The following DMD variants were observed in gnomAD, a reference collection of about 807,000 sequenced individuals.
DMD encodes dystrophin.
In DMD, 63 loss-of-function variants were observed where a neutral mutation model predicts 330.1. The observed-to-expected ratio is 0.19, with a 90% confidence interval of 0.16 to 0.24. The LOEUF (loss-of-function observed/expected upper bound fraction) is 0.24, where lower values mean the gene tolerates loss of function less well. Ranked by LOEUF, DMD falls within the 10% of genes least tolerant of loss-of-function variation. The probability of loss-of-function intolerance (pLI) is 1.00; values close to 1 mark genes in which losing one functional copy is unlikely to be tolerated. For synonymous variants in DMD, 1,223 were observed against 959.8 expected, an observed-to-expected ratio of 1.27 and a Z score of -5.07; for missense variants, 3,344 against 2,684.1, an observed-to-expected ratio of 1.25 and a Z score of -5.43.
chrX:33,199,852 A>T (rs768890323), intron 1 of DMD, among the ~76,000 whole-genome samples: 3 of 111,413 alleles, frequency 2.7e-5, no homozygotes, highest in Non-Finnish European at 5.7e-5. Context: ...GAAGGGAGAA[A>T]ATGGTCACTA....
At chrX:31,372,205 G>C (rs147862415) in intron 60 of DMD, among the ~76,000 whole-genome samples, 1 of 111,549 alleles carries the variant, frequency 9.0e-6, no homozygotes, top group African/African-American at 3.3e-5. Context: ...GGAGTTTTGC[G>C]AAATTAAACT....
rs1418660883 is a variant in DMD, at chrX:32,252,895, TATAA to T, written c.6290+34630_6290+34633del. 4.4e-3 allele frequency among the ~76,000 whole-genome samples: 355 copies of T among 80,243 alleles called. 2 individuals are homozygous for T. The highest frequency in any genetic ancestry group is 7.0e-3 in the Non-Finnish European group (315 of 45,099). The allele number at this position is 80,243 out of a possible 115,157, so 69.7% of individuals were successfully genotyped here. On this transcript the variant is annotated intron_variant, in intron 43 of 78. Coordinates refer to ENST00000357033, the MANE Select transcript of DMD (RefSeq NM_004006.3). ...ATATATAAAAATATATATAAATATA[TATAA>T]ATATATACATAAATATATATAGATA... is the stretch of plus-strand genomic sequence containing the variant.
intron 1 of DMD, among the ~76,000 whole-genome samples, chrX:33,321,422 A>C (rs1342808690): frequency 1.0e-5 from 1 of 97,409 alleles, no homozygotes; most frequent in Non-Finnish European, 2.0e-5. Flanking sequence ...GAGCAGTAAT[A>C]TTTTTGAAAA....
At chrX:33,210,604 C>T (rs997870552) in intron 1 of DMD, among the ~76,000 whole-genome samples, 1 of 111,303 alleles carries the variant, frequency 9.0e-6, no homozygotes, top group Non-Finnish European at 1.9e-5. Flanking sequence ...GTTTGTATGT[C>T]GTTTACCCAA....
chrX:32,464,514 T>A (rs968334711), intron 24 of DMD, 72 bp downstream of exon 24: 18 of 841,278 alleles, frequency 2.1e-5, no homozygotes, highest in Middle Eastern at 2.7e-4. Flanking sequence ...ACCCCAGCTG[T>A]AAAACACTGA....
chrX:31,603,165 G>A (rs1603420154), intron 55 of DMD, among the ~76,000 whole-genome samples: 1 of 110,449 alleles, frequency 9.1e-6, no homozygotes, highest in African/African-American at 3.3e-5. Flanking sequence ...GAACAGAACC[G>A]ACGGCCTAGA....
At chrX:32,249,847 A>G (rs2097256435) in intron 43 of DMD, among the ~76,000 whole-genome samples, 1 of 111,498 alleles carries the variant, frequency 9.0e-6, no homozygotes, top group East Asian at 2.8e-4. Flanking sequence ...AGCCAGGATA[A>G]CCTGTCCTCA....
intron 2 of DMD, among the ~76,000 whole-genome samples, chrX:32,897,910 G>A (rs2085877138): frequency 2.7e-5 from 3 of 112,017 alleles, no homozygotes; most frequent in Admixed American, 1.9e-4. Context: ...TAAAGGGGAT[G>A]TCAGGCAATA....
At chrX:32,378,807 T>A (rs1394052625) in intron 34 of DMD, among the ~76,000 whole-genome samples, 4 of 111,272 alleles carry the variant, frequency 3.6e-5, no homozygotes, top group Non-Finnish European at 5.7e-5. Flanking sequence ...GACATTTATC[T>A]TTTGAAACAG....
intron 77 of DMD, among the ~76,000 whole-genome samples, chrX:31,132,666 G>T (rs779795750): frequency 9.0e-6 from 1 of 111,067 alleles, no homozygotes; most frequent in Non-Finnish European, 1.9e-5. Context: ...TGAAGGCAAG[G>T]AATTTGTCAT....
chrX:31,811,696 ACCGGC>A (rs1217436396), intron 50 of DMD, among the ~76,000 whole-genome samples: 18 of 111,494 alleles, frequency 1.6e-4, no homozygotes, highest in African/African-American at 5.6e-4. Context: ...TAACTATAAA[ACCGGC>A]AATAGTATAG....
chrX:31,448,663 A>G (rs1430837469), intron 59 of DMD, among the ~76,000 whole-genome samples: 2 of 112,090 alleles, frequency 1.8e-5, no homozygotes, highest in African/African-American at 6.5e-5. Flanking sequence ...TTTTTTTTCT[A>G]GTTTGGAAGC....
At chrX:32,895,996 C>T (rs754136105) in intron 2 of DMD, among the ~76,000 whole-genome samples, 11 of 110,361 alleles carry the variant, frequency 1.0e-4, no homozygotes, top group East Asian at 2.8e-4. Context: ...CTTATCTTGC[C>T]GAGGTTTAAA....
intron 1 of DMD, among the ~76,000 whole-genome samples, chrX:33,301,806 C>T (rs868638099): frequency 2.7e-5 from 3 of 111,403 alleles, no homozygotes; most frequent in African/African-American, 9.8e-5. Flanking sequence ...AGGGCTCTGC[C>T]CTCATGATTT....
intron 29 of DMD, among the ~76,000 whole-genome samples, chrX:32,426,494 A>G (rs752210347): frequency 5.1e-4 from 57 of 111,306 alleles, no homozygotes; most frequent in African/African-American, 1.8e-3. Context: ...TGCTGTTGGG[A>G]TGGCAGAGAA....
rs886042871 is a variant in DMD at position 31,182,838 on chromosome X, T to C, written c.9874A>G (p.Met3292Val). 4 of 1,206,287 alleles carry C rather than the reference T, an allele frequency of 3.3e-6. No individual in the cohort carries two copies. The African/African-American group carries it at 5.3e-5, about 16-fold the overall frequency. The change falls in exon 68 of 79, where the codon ATG (methionine) becomes GTG (valine). Residue 3292 changes from methionine to valine, a missense_variant. Physicochemically the swap from Met to Val is conservative, Grantham distance 21. Transcript: ENST00000357033. ...LDWMRLEPQS[M>V]VWLPVLHRVA... The stretch of plus-strand genomic sequence containing the variant: ...CTGTGCAGGACGGGCAGCCACACCA[T>C]GGACTGGGGTTCCAGTCTCATCCAG...
At chrX:33,023,293 G>T (rs1179350288) in intron 1 of DMD, among the ~76,000 whole-genome samples, 1 of 111,568 alleles carries the variant, frequency 9.0e-6, no homozygotes, top group African/African-American at 3.2e-5. Flanking sequence ...CAATAAACAT[G>T]CTCATGCACT....
intron 1 of DMD, among the ~76,000 whole-genome samples, chrX:33,323,989 C>T (rs2054051924): frequency 9.0e-6 from 1 of 111,579 alleles, no homozygotes; most frequent in Admixed American, 9.6e-5. Context: ...CTGACAGTTT[C>T]TCTAACTCCC....
At chrX:32,005,387 T>G (rs2095654649) in intron 44 of DMD, among the ~76,000 whole-genome samples, 1 of 111,509 alleles carries the variant, frequency 9.0e-6, no homozygotes, top group Non-Finnish European at 1.9e-5. Flanking sequence ...AGCTGTTTCA[T>G]TTTAAATACT....
Sources: gnomAD v4.1 joint callset for allele counts (sites outside exome capture counted in the v4.1 genomes callset) on GRCh38, gnomAD v4.1.1 for gene constraint, MANE v1.5 for transcripts, NCBI Gene and HGNC (gene_info 2026-07-23, HGNC 2026-07-21) for gene names.